FCHO2: variants seen among roughly 807,000 people sequenced by gnomAD.
FCHO2 encodes FCH and mu domain containing endocytic adaptor 2.
A neutral mutation model predicts 114.1 loss-of-function variants in FCHO2; 43 were observed. That is an observed-to-expected ratio of 0.38 (90% confidence interval 0.30 to 0.49). FCHO2 has a LOEUF of 0.49. Ranked by LOEUF, FCHO2 falls within the 20% of genes least tolerant of loss-of-function variation. FCHO2 has a pLI of 0.97. For synonymous variants in FCHO2, 293 were observed against 315.2 expected, an observed-to-expected ratio of 0.93 and a Z score of 0.75; for missense variants, 807 against 950.4, an observed-to-expected ratio of 0.85 and a Z score of 1.98.
At chr5:72,996,243 C>CAAAAAAAAAAAAAAAAA (rs371371047) in intron 5 of FCHO2, among the ~76,000 whole-genome samples, 1 of 110,982 alleles carries the variant, frequency 9.0e-6, no homozygotes, top group Non-Finnish European at 1.8e-5. Context: ...AACTCTGTCT[C>CAAAAAAAAAAAAAAAAA]AAAAAAAAAA....
At chr5:73,031,304 T>A (rs1333968104) in intron 8 of FCHO2, among the ~76,000 whole-genome samples, 1 of 152,182 alleles carries the variant, frequency 6.6e-6, no homozygotes, top group Non-Finnish European at 1.5e-5. Flanking sequence ...ATTAAACTTT[T>A]AGTGTATGTC....
chr5:73,000,709 AG>A (rs1754388762), intron 5 of FCHO2, among the ~76,000 whole-genome samples: 1 of 151,876 alleles, frequency 6.6e-6, no homozygotes, highest in Non-Finnish European at 1.5e-5. Flanking sequence ...CAGGAGGCAG[AG>A]GTTGTGGTGA....
intron 24 of FCHO2, among the ~76,000 whole-genome samples, chr5:73,083,036 A>G (rs6452804): frequency 0.3 from 45,191 of 151,600 alleles, 6,959 homozygotes; most frequent in East Asian, 0.44. Flanking sequence ...ACCACACCCA[A>G]CTAATTTTTG....
At chr5:73,008,138 G>A (rs760319071) in intron 6 of FCHO2, among the ~76,000 whole-genome samples, 7 of 152,184 alleles carry the variant, frequency 4.6e-5, no homozygotes, top group Non-Finnish European at 8.8e-5. Flanking sequence ...AGTTTTTACC[G>A]TTACTTTTAA....
intron 2 of FCHO2, among the ~76,000 whole-genome samples, chr5:72,975,935 T>C (rs1376373441): frequency 6.6e-6 from 1 of 152,236 alleles, no homozygotes; most frequent in African/African-American, 2.4e-5. Context: ...GCAGTAAACA[T>C]CTGTGTGCAG....
intron 11 of FCHO2, among the ~76,000 whole-genome samples, chr5:73,049,007 G>A (rs564822778): frequency 6.7e-6 from 1 of 150,332 alleles, no homozygotes; most frequent in Non-Finnish European, 1.5e-5. Flanking sequence ...CTCCCGAGTA[G>A]CTGGGACTAC....
At chr5:73,052,537 A>G (rs1283945355) in intron 13 of FCHO2, 30 bp downstream of exon 13, 4 of 1,520,252 alleles carry the variant, frequency 2.6e-6, no homozygotes, top group East Asian at 2.4e-5. Context: ...TACTCTTTAT[A>G]TAAAAGTCTT....
intron 8 of FCHO2, chr5:73,020,571 C>T (rs531064068): frequency 1.1e-4 from 72 of 643,188 alleles, no homozygotes; most frequent in Admixed American, 4.5e-4. Context: ...TTGGGGTTGT[C>T]GTGCAACAGC....
intron 19 of FCHO2, among the ~76,000 whole-genome samples, chr5:73,071,340 C>T (rs1360405276): frequency 6.6e-6 from 1 of 151,646 alleles, no homozygotes; most frequent in Non-Finnish European, 1.5e-5. Flanking sequence ...CCTCTAATAC[C>T]TAAATTAGTA....
chr5:72,987,894 A>T (rs1753621357), intron 2 of FCHO2, among the ~76,000 whole-genome samples: 1 of 152,016 alleles, frequency 6.6e-6, no homozygotes, highest in African/African-American at 2.4e-5. Context: ...GAGTTTGGAG[A>T]TTAGTTTAGA....
intron 9 of FCHO2, 117 bp from the exon 10 acceptor site, chr5:73,037,026 C>T (rs1422120748): frequency 3.6e-6 from 2 of 551,070 alleles, no homozygotes; most frequent in Admixed American, 3.9e-5. Flanking sequence ...CTGTCATCCA[C>T]ATTTAGCATC....
chr5:73,078,491 C>T (rs1321532039), intron 22 of FCHO2, among the ~76,000 whole-genome samples, 179 bp downstream of exon 22: 3 of 152,076 alleles, frequency 2.0e-5, no homozygotes, highest in Non-Finnish European at 4.4e-5. Context: ...GTAAAATTCA[C>T]CATTTATTCA....
chr5:73,007,275 G>C (rs1754768412), intron 6 of FCHO2, among the ~76,000 whole-genome samples: 1 of 152,158 alleles, frequency 6.6e-6, no homozygotes, highest in Non-Finnish European at 1.5e-5. Context: ...GGCTGCAGCT[G>C]TTTTACATCG....
At chr5:73,040,351 C>T (rs896261168) in intron 10 of FCHO2, among the ~76,000 whole-genome samples, 2 of 152,134 alleles carry the variant, frequency 1.3e-5, no homozygotes, top group Admixed American at 6.5e-5. Context: ...CAAAAACTCT[C>T]AGATTTTGGA....
chr5:72,989,602 T>C, intron 3 of FCHO2, 101 bp downstream of exon 3: 1 of 728,474 alleles, frequency 1.4e-6, no homozygotes, highest in Non-Finnish European at 2.2e-6. Context: ...CATAGTAAAA[T>C]ATATGCTTAT....
At chr5:73,002,606 T>C (rs1035571554) in intron 5 of FCHO2, among the ~76,000 whole-genome samples, 2 of 152,242 alleles carry the variant, frequency 1.3e-5, no homozygotes, top group East Asian at 3.8e-4. Flanking sequence ...CTATAGGCTT[T>C]AGAATAGATG....
chr5:73,053,081 A>G (rs1031496312), intron 13 of FCHO2, among the ~76,000 whole-genome samples: 1 of 152,202 alleles, frequency 6.6e-6, no homozygotes, highest in Admixed American at 6.5e-5. Context: ...AAACTTAAAA[A>G]TGTTACACTA....
At chr5:73,001,448 CAAAAAAAAAAAA>C (rs1215202339) in intron 5 of FCHO2, among the ~76,000 whole-genome samples, 4 of 65,540 alleles carry the variant, frequency 6.1e-5, no homozygotes, top group South Asian at 5.9e-4. Context: ...GATCCTGTCT[CAAAAAAAAAAAA>C]AAAAAAAAAA....
intron 23 of FCHO2, 31 bp from the exon 24 acceptor site, chr5:73,082,730 C>T: frequency 6.3e-7 from 1 of 1,578,110 alleles, no homozygotes; most frequent in South Asian, 1.2e-5. Flanking sequence ...ATACTAGACA[C>T]AAAACCTGAA....
Sources: allele counts gnomAD v4.1 joint callset (sites outside exome capture counted in the v4.1 genomes callset), GRCh38; gene constraint gnomAD v4.1.1; transcripts MANE v1.5; gene names NCBI Gene and HGNC (gene_info 2026-07-23, HGNC 2026-07-21).